VIL1: variants seen among roughly 807,000 people sequenced by gnomAD.
VIL1 encodes villin 1, also known as villin-1.
VIL1 carries 86 observed loss-of-function variants against 104.0 expected under a neutral mutation model. The ratio of observed to expected loss-of-function variants is 0.83; its 90% CI spans 0.69 to 0.99. VIL1 has a LOEUF of 0.99. VIL1 is among the 50% of genes least tolerant of loss of function. VIL1 has a pLI of 0.00. For missense variants in VIL1, 944 were observed against 1,054.1 expected, an observed-to-expected ratio of 0.90 and a Z score of 1.45; for synonymous variants, 394 against 412.6, an observed-to-expected ratio of 0.95 and a Z score of 0.55.
intron 14 of VIL1, 120 bp downstream of exon 14, chr2:218,434,825 C>A: frequency 9.3e-7 from 1 of 1,070,884 alleles, no homozygotes; most frequent in Non-Finnish European, 1.3e-6. Context: ...CTGCTCAATT[C>A]TCAGCCGCCT....
Position 218,435,346 on chromosome 2 carries a change from A to G in VIL1, c.1738A>G (p.Thr580Ala), listed in dbSNP as rs763942088. ...AKMVADTISR[T>A]EKQVVVEGQE... ...GATGGTTGCTGACACCATCTCCCGG[A>G]CGGAGAAGCAAGTGGTGGTGGAAGG... The change falls in exon 15 of 20, where the codon ACG becomes GCG. Residue 580 changes from threonine (T) to alanine (A), a missense_variant. By Grantham distance (58) the Thr-to-Ala change is moderately conservative. Coordinates refer to ENST00000248444, the MANE Select transcript of VIL1 (RefSeq NM_007127.3). The G allele has an allele frequency of 1.9e-6, 3 of 1,614,072 alleles. No individual in the cohort carries two copies. In the Admixed American group the frequency reaches 5.0e-5, roughly 27 times the overall value.
intron 3 of VIL1, 39 bp from the exon 4 acceptor site, chr2:218,425,576 A>T: frequency 6.2e-7 from 1 of 1,604,496 alleles, no homozygotes; most frequent in Non-Finnish European, 8.5e-7. Flanking sequence ...GGGCTGTGGG[A>T]GCCCAGGGTC....
rs370645896 is a variant in VIL1, at chr2:218,450,482, G to A, written c.*1146G>A. 2.0e-4 allele frequency: 30 copies of A among 152,734 alleles called. No individual in the cohort carries two copies. The highest frequency in any genetic ancestry group is 1.0e-3 in the Admixed American group (16 of 15,296). The allele number at this position is 152,734 out of a possible 1,614,324, so 9.5% of individuals were successfully genotyped here. ...TGTGGCCACAGCTGCCAGAAAACCT[G>A]GTAGTGGCTCAATTAGGCAAAGTGT... On this transcript the variant is annotated 3_prime_UTR_variant, in exon 20 of 20. Transcript: ENST00000248444.
At chr2:218,425,356 C>T (rs2106390442) in intron 3 of VIL1, among the ~76,000 whole-genome samples, 1 of 152,356 alleles carries the variant, frequency 6.6e-6, no homozygotes, top group Non-Finnish European at 1.5e-5. Flanking sequence ...GCTGGGATTA[C>T]AGGCGTGAGC....
intron 19 of VIL1, among the ~76,000 whole-genome samples, chr2:218,444,746 G>C (rs1297471929): frequency 6.6e-6 from 1 of 152,212 alleles, no homozygotes; most frequent in Non-Finnish European, 1.5e-5. Flanking sequence ...TGCAGGCAGA[G>C]CAAGATAGTA....
chr2:218,446,579 T>C (rs1266509135), intron 19 of VIL1, among the ~76,000 whole-genome samples: 1 of 151,576 alleles, frequency 6.6e-6, no homozygotes, highest in Non-Finnish European at 1.5e-5. Context: ...AAGCCAAGAG[T>C]GATGAAGCTA....
Position 218,429,500 on chromosome 2 carries a change from C to A in VIL1, c.770+13C>A. ...TCAAACTGTACCAGTGAGCGCCCAGCGGGGTCTTCCTGGGTGCTGGGGACT... is the reference window on the plus strand; with the variant it reads ...TCAAACTGTACCAGTGAGCGCCCAGAGGGGTCTTCCTGGGTGCTGGGGACT... On this transcript the variant is annotated intron_variant, in intron 7 of 19. Transcript: ENST00000248444. The A allele has an allele frequency of 6.2e-7, 1 of 1,613,506 alleles. No homozygotes were observed. Among genetic ancestry groups the A allele is most frequent in the Non-Finnish European group, 8.5e-7 (1 of 1,179,664 alleles).
intron 12 of VIL1, chr2:218,432,513 A>G (rs971260479): frequency 1.4e-5 from 10 of 693,438 alleles, no homozygotes; most frequent in African/African-American, 3.5e-5. Flanking sequence ...CTCCCTGAAG[A>G]AGGAGCAGAA....
intron 1 of VIL1, among the ~76,000 whole-genome samples, chr2:218,422,600 C>G (rs1448960523): frequency 6.6e-6 from 1 of 152,178 alleles, no homozygotes; most frequent in Admixed American, 6.5e-5. Context: ...AGCAGCCACC[C>G]CTCAGGGCTC....
chr2:218,423,210 A>G (rs1688925249), intron 1 of VIL1, among the ~76,000 whole-genome samples: 1 of 152,216 alleles, frequency 6.6e-6, no homozygotes, highest in Non-Finnish European at 1.5e-5. Flanking sequence ...AGCCTGGCCC[A>G]CATGGGGAAA....
At position 218,442,145 on chromosome 2, in the gene VIL1, G is replaced by A. The variant is rs989633396; in HGVS notation, c.2370+1283G>A. ...AGAACAAGTCATGGTGGAGGAGGTG[G>A]AGAGAAACATTTAGGAGGTAAAATC... On this transcript the variant is annotated intron_variant, in intron 19 of 19. Coordinates refer to ENST00000248444, the MANE Select transcript of VIL1 (RefSeq NM_007127.3). Among the ~76,000 whole-genome samples, 2 of 152,198 alleles carry A rather than the reference G, an allele frequency of 1.3e-5. 1 individual carries two copies. Among genetic ancestry groups the A allele is most frequent in the African/African-American group, 4.8e-5 (2 of 41,456 alleles).
intron 17 of VIL1, 33 bp downstream of exon 17, chr2:218,437,345 A>AGC (rs752461055): frequency 6.2e-7 from 1 of 1,605,132 alleles, no homozygotes; most frequent in South Asian, 1.1e-5. Flanking sequence ...GTCCTTCTCT[A>AGC]GCCCTGCCTG....
In VIL1 at chr2:218,430,785, G is replaced by C. The variant is rs1476334684; in HGVS notation, c.1009G>C (p.Ala337Pro). The C allele has an allele frequency of 5.0e-6, 8 of 1,613,484 alleles. No individual in the cohort carries two copies. Among genetic ancestry groups the C allele is most frequent in the African/African-American group, 1.3e-5 (1 of 74,914 alleles). ...STQVEVQNDG[A>P]ESAVFQQLFQ... ...ACAGGTGGAGGTGCAGAATGATGGG[G>C]CTGAGTCGGCCGTCTTTCAGCAGCT... The change falls in exon 10 of 20, where the codon GCT becomes CCT. Residue 337 changes from alanine (A) to proline (P), a missense_variant. By Grantham distance (27) the Ala-to-Pro change is conservative. Transcript: ENST00000248444.
At chr2:218,424,423 G>A in intron 3 of VIL1, 72 bp downstream of exon 3, 2 of 1,503,446 alleles carry the variant, frequency 1.3e-6, no homozygotes, top group South Asian at 1.1e-5. Flanking sequence ...GAAACAGGCT[G>A]GGGGCCGTGG....
At chr2:218,435,781 C>G (rs1689178684) in intron 15 of VIL1, among the ~76,000 whole-genome samples, 1 of 152,202 alleles carries the variant, frequency 6.6e-6, no homozygotes. Context: ...CTTTTAGGTC[C>G]TGACACAGGC....
intron 13 of VIL1, among the ~76,000 whole-genome samples, chr2:218,433,693 G>T (rs12618954): frequency 3.3e-3 from 508 of 152,096 alleles, no homozygotes; most frequent in Admixed American, 5.4e-3. Flanking sequence ...GATCACCTGA[G>T]GTCAGGAGTT....
intron 7 of VIL1, 27 bp downstream of exon 7, chr2:218,429,514 G>A: frequency 6.2e-7 from 1 of 1,613,500 alleles, no homozygotes; most frequent in Non-Finnish European, 8.5e-7. Flanking sequence ...GTCTTCCTGG[G>A]TGCTGGGGAC....
At chr2:218,424,120 C>T (rs891804753) in intron 2 of VIL1, among the ~76,000 whole-genome samples, 157 bp from the exon 3 acceptor site, 12 of 152,150 alleles carry the variant, frequency 7.9e-5, no homozygotes, top group African/African-American at 1.4e-4. Context: ...TTCCTTCTCC[C>T]GCCCCTCACA....
intron 13 of VIL1, among the ~76,000 whole-genome samples, chr2:218,433,705 G>A (rs1027162078): frequency 4.6e-5 from 7 of 152,132 alleles, no homozygotes; most frequent in Admixed American, 2.0e-4. Flanking sequence ...TCAGGAGTTC[G>A]AGAGCAGCCT....
Sources: gnomAD v4.1 joint callset for allele counts (sites outside exome capture counted in the v4.1 genomes callset) on GRCh38, gnomAD v4.1.1 for gene constraint, MANE v1.5 for transcripts, NCBI Gene and HGNC (gene_info 2026-07-23, HGNC 2026-07-21) for gene names.